The following SYNE2 variants were observed in gnomAD, a reference collection of about 807,000 sequenced individuals.
SYNE2 encodes the protein spectrin repeat containing nuclear envelope protein 2, also known as nesprin-2.
Under a neutral mutation model 856.3 loss-of-function variants are expected in SYNE2, and 431 were observed. The observed-to-expected ratio is 0.50, with a 90% CI of 0.47 to 0.55. The LOEUF is 0.55. Ranked by LOEUF, SYNE2 falls within the 20% of genes least tolerant of loss-of-function variation. The pLI, the probability that SYNE2 is intolerant of heterozygous loss-of-function variation, is 0.00. For missense variants in SYNE2, 8,129 were observed against 8,023.2 expected, an observed-to-expected ratio of 1.01 and a Z score of -0.50; for synonymous variants, 2,923 against 2,872.3, an observed-to-expected ratio of 1.02 and a Z score of -0.56.
chr14:63,990,531 C>T lies in SYNE2; in HGVS notation c.2434C>T (p.Leu812Phe). 1 of 1,613,876 alleles carries T rather than the reference C, an allele frequency of 6.2e-7. No individual in the cohort carries two copies. Among genetic ancestry groups the T allele is most frequent in the Non-Finnish European group, 8.5e-7 (1 of 1,179,922 alleles). The change falls in exon 20 of 116, where the codon CTT becomes TTT. Residue 812 changes from leucine to phenylalanine, a missense_variant. Leu to Phe is a conservative substitution (Grantham distance 22). Around this residue, in one of 3 missense-constraint regions of SYNE2, gnomAD observed 2,422 missense variants for 2,357.4 expected, o/e 1.03. Transcript: ENST00000555002. ...CTTTCAACATGTTCTCACAACTGGGCTTCAGGCAAAGATTCAAGAAGCTAA... is the reference window on the plus strand; with the variant it reads ...CTTTCAACATGTTCTCACAACTGGGTTTCAGGCAAAGATTCAAGAAGCTAA... ...ESFQHVLTTG[L>F]QAKIQEAKEK...
At chr14:64,067,527 A>C (rs139447672) in intron 51 of SYNE2, among the ~76,000 whole-genome samples, 2 of 152,220 alleles carry the variant, frequency 1.3e-5, no homozygotes, top group Admixed American at 1.3e-4. Context: ...CAGCCCATAC[A>C]TGTAAGCTTC....
chr14:63,969,678 A>C (rs1436835806), intron 11 of SYNE2, among the ~76,000 whole-genome samples: 1 of 151,894 alleles, frequency 6.6e-6, no homozygotes, highest in East Asian at 1.9e-4. Context: ...TCCATTGTGT[A>C]TATGTACCAC....
intron 65 of SYNE2, among the ~76,000 whole-genome samples, chr14:64,112,268 A>T (rs1288760349): frequency 6.6e-6 from 1 of 152,256 alleles, no homozygotes; most frequent in East Asian, 1.9e-4. Flanking sequence ...ACTTGGCTAG[A>T]ATTACATTTT....
chr14:63,914,389 A>C (rs1595603671), intron 2 of SYNE2, among the ~76,000 whole-genome samples: 1 of 152,166 alleles, frequency 6.6e-6, no homozygotes, highest in Non-Finnish European at 1.5e-5. Context: ...TTGAAACCCA[A>C]GGGTTTGGGG....
intron 2 of SYNE2, among the ~76,000 whole-genome samples, chr14:63,930,950 A>G (rs1395484585): frequency 6.6e-6 from 1 of 152,140 alleles, no homozygotes; most frequent in Non-Finnish European, 1.5e-5. Flanking sequence ...TCAAACAGAA[A>G]TTTGGGTAAC....
intron 45 of SYNE2, among the ~76,000 whole-genome samples, chr14:64,031,801 G>C (rs1268733614): frequency 6.6e-6 from 1 of 152,210 alleles, no homozygotes; most frequent in East Asian, 1.9e-4. Flanking sequence ...ACCCTCTGTT[G>C]TTAGATCATT....
In SYNE2 at chr14:63,968,946, A is replaced by G. The variant is rs529092924; in HGVS notation, c.1128+1100A>G. Among the ~76,000 whole-genome samples the G allele has an allele frequency of 2.6e-5, 4 of 152,070 alleles. No individual in the cohort carries two copies. In the South Asian group the frequency reaches 6.2e-4, roughly 24 times the overall value. On this transcript the variant is annotated intron_variant, in intron 11 of 115. Transcript: ENST00000555002. ...ATAGTAGGTCTTATTTGTTCTTTCT[A>G]TTTTTTTGTACCCATTAACCATCTC...
In SYNE2 at chr14:64,052,655, AG is replaced by A; in HGVS notation, c.8743del (p.Asp2915IlefsTer3). On this transcript the variant is annotated frameshift_variant, in exon 48 of 116. Transcript: ENST00000555002. LOFTEE classifies it high-confidence loss of function. ...LNVFERLFLE[D>X]QLKNLKIRTN... ...ATGTGTTTGAAAGATTATTTCTGGA[AG>A]ATCAGTTGAAAAATCTTAAGATTAG... The A allele has an allele frequency of 6.2e-7, 1 of 1,613,988 alleles. No individual in the cohort carries two copies. Among genetic ancestry groups the A allele is most frequent in the East Asian group, 2.2e-5 (1 of 44,882 alleles).
chr14:64,112,994 T>C (rs2153657025), intron 65 of SYNE2: 1 of 985,384 alleles, frequency 1.0e-6, no homozygotes, highest in Admixed American at 6.1e-5. Flanking sequence ...CACGTAACGC[T>C]AAACACTGGC....
At chr14:63,895,951 T>C (rs2095246172) in intron 1 of SYNE2, among the ~76,000 whole-genome samples, 1 of 152,100 alleles carries the variant, frequency 6.6e-6, no homozygotes, top group African/African-American at 2.4e-5. Context: ...AGGGAAAAGT[T>C]TGAAGCACTT....
intron 1 of SYNE2, among the ~76,000 whole-genome samples, chr14:63,789,943 T>G (rs1023941684): frequency 1.3e-5 from 2 of 152,078 alleles, no homozygotes; most frequent in Non-Finnish European, 2.9e-5. Context: ...AATGAGACAT[T>G]GAACTAGAAA....
Position 63,923,399 on chromosome 14 carries a change from C to T in SYNE2, c.79+14172C>T, listed in dbSNP as rs925573307. On this transcript the variant is annotated intron_variant, in intron 2 of 115. Transcript: ENST00000555002. ...ATGCTGAGGCTCAAAGTAGAAATCACTGATCTTATGTCACATATTTTCCCA... is the reference window on the plus strand; with the variant it reads ...ATGCTGAGGCTCAAAGTAGAAATCATTGATCTTATGTCACATATTTTCCCA... 2.6e-5 allele frequency among the ~76,000 whole-genome samples: 4 copies of T among 152,238 alleles called. No individual in the cohort carries two copies. In the South Asian group the frequency reaches 8.3e-4, roughly 31 times the overall value.
intron 44 of SYNE2, 133 bp downstream of exon 44, chr14:64,030,192 C>G (rs1433148884): frequency 2.3e-6 from 2 of 888,082 alleles, no homozygotes; most frequent in Non-Finnish European, 3.6e-6. Context: ...AAAGCTCTGA[C>G]CAGTCATAAT....
At chr14:63,792,347 C>T (rs1887765943) in intron 1 of SYNE2, among the ~76,000 whole-genome samples, 1 of 152,094 alleles carries the variant, frequency 6.6e-6, no homozygotes, top group Admixed American at 6.6e-5. Context: ...GAGTTCAAGA[C>T]CAGCTTGGCC....
intron 57 of SYNE2, among the ~76,000 whole-genome samples, chr14:64,082,647 G>T (rs1012890853): frequency 2.0e-5 from 3 of 152,300 alleles, no homozygotes; most frequent in South Asian, 2.1e-4. Context: ...AGATGGCACC[G>T]GACTGCATCC....
intron 85 of SYNE2, among the ~76,000 whole-genome samples, chr14:64,157,135 T>C (rs528132585): frequency 6.6e-6 from 1 of 152,344 alleles, no homozygotes; most frequent in African/African-American, 2.4e-5. Flanking sequence ...TTCTAAGGTA[T>C]AGTTCAGTGA....
intron 1 of SYNE2, among the ~76,000 whole-genome samples, chr14:63,771,176 TCTC>T (rs1447478800): frequency 2.0e-5 from 3 of 150,544 alleles, no homozygotes; most frequent in Non-Finnish European, 4.4e-5. Flanking sequence ...TTCACGCCAT[TCTC>T]CTGCCTCAGC....
intron 65 of SYNE2, among the ~76,000 whole-genome samples, chr14:64,110,871 C>T (rs2097800883): frequency 6.6e-6 from 1 of 152,024 alleles, no homozygotes; most frequent in East Asian, 1.9e-4. Context: ...GAACTGATCT[C>T]TAGTGGGTTC....
Position 64,221,680 on chromosome 14 carries a change from C to G in SYNE2, c.20166C>G (p.Leu6722=), listed in dbSNP as rs1457399044. The part of the protein sequence containing the change: ...VTDPKADPRA[L]LECRRELMQL... ...ATCCAAAGGCAGACCCCCGGGCTCT[C>G]CTAGAGTGTCGGAGGGAACTAATGG... is the stretch of plus-strand genomic sequence containing the variant. The change falls in exon 112 of 116, where the codon CTC becomes CTG. Residue 6722 remains leucine, a synonymous_variant. Transcript: ENST00000555002. The G allele has an allele frequency of 6.2e-7, 1 of 1,614,126 alleles. No individual in the cohort carries two copies. Among genetic ancestry groups the G allele is most frequent in the East Asian group, 2.2e-5 (1 of 44,888 alleles).
Sources: allele counts gnomAD v4.1 joint callset (sites outside exome capture counted in the v4.1 genomes callset), GRCh38; gene constraint gnomAD v4.1.1; regional missense constraint gnomAD v4.1.1; transcripts MANE v1.5; gene names NCBI Gene and HGNC (gene_info 2026-07-23, HGNC 2026-07-21).